Variants in ZNF350 observed in about 807,000 individuals in gnomAD.
ZNF350 encodes the protein zinc finger protein 350, also known as KRAB zinc finger protein ZFQR.
A neutral mutation model predicts 13.1 loss-of-function variants in ZNF350; 5 were observed. The observed-to-expected ratio is 0.38, with a 90% CI of 0.20 to 0.80. ZNF350 has a LOEUF of 0.80. Among genes scored for constraint, ZNF350 ranks in the 30% least tolerant of loss-of-function variants. The pLI is 0.43. For synonymous variants in ZNF350, 199 were observed against 224.2 expected, an observed-to-expected ratio of 0.89 and a Z score of 1.00; for missense variants, 534 against 644.2, an observed-to-expected ratio of 0.83 and a Z score of 1.85.
At chr19:51,979,469 GA>G (rs1386553202) in intron 1 of ZNF350, among the ~76,000 whole-genome samples, 2 of 152,146 alleles carry the variant, frequency 1.3e-5, no homozygotes, top group African/African-American at 4.8e-5. Flanking sequence ...CCACTGGAAG[GA>G]CTCCCTTTGT....
rs763512034 is a variant in ZNF350 at position 51,964,799 on chromosome 19, T to A, written c.*55A>T. On this transcript the variant is annotated 3_prime_UTR_variant, in exon 5 of 5. Coordinates refer to ENST00000243644, the MANE Select transcript of ZNF350 (RefSeq NM_021632.4). Reference sequence around the variant, plus strand: ...TCTCAGTGTATGCTTTTCGGCCACATAATGAACTACAAATTTTTGCTCAAC... The same window carrying A: ...TCTCAGTGTATGCTTTTCGGCCACAAAATGAACTACAAATTTTTGCTCAAC... 3 of 1,555,090 alleles carry A rather than the reference T, an allele frequency of 1.9e-6. No individual in the cohort carries two copies. In the African/African-American group the frequency reaches 4.1e-5, roughly 21 times the overall value.
rs2085562880 is a variant in ZNF350, at chr19:51,966,201, A to G, written c.252T>C (p.Val84=). 1 of 1,575,128 alleles carries G rather than the reference A, an allele frequency of 6.3e-7. No individual in the cohort carries two copies. Among genetic ancestry groups the G allele is most frequent in the Admixed American group, 2.0e-5 (1 of 50,926 alleles). Residue 84 remains valine (V), a synonymous_variant, in exon 5 of 5, where the codon GTT becomes GTC. Transcript: ENST00000243644. The part of the protein sequence containing the change: ...HSGACSDIWK[V]DHVLERLQSE... ...TCTGCAAGCGCTCCAGCACATGATC[A>G]ACTTTCCATATGTCTAGAAAGAAAA...
At position 51,975,048 on chromosome 19, in the gene ZNF350, T is replaced by C. The variant is rs541484819; in HGVS notation, c.-171-517A>G. Reference sequence around the variant, plus strand: ...ATACATAAAAAGCTAAAATACACAATAATTTACTGGATAATTAGGTGGTGA... The same window carrying C: ...ATACATAAAAAGCTAAAATACACAACAATTTACTGGATAATTAGGTGGTGA... On this transcript the variant is annotated intron_variant, in intron 1 of 4. Transcript: ENST00000243644. Among the ~76,000 whole-genome samples the C allele has an allele frequency of 2.0e-5, 3 of 152,220 alleles. No homozygotes were observed. The South Asian group carries it at 6.2e-4, about 31-fold the overall frequency.
intron 1 of ZNF350, among the ~76,000 whole-genome samples, chr19:51,983,101 G>A (rs1384470586): frequency 2.0e-5 from 3 of 152,212 alleles, no homozygotes; most frequent in Non-Finnish European, 4.4e-5. Context: ...CCAACCCTGT[G>A]CTCAGAAACG....
intron 1 of ZNF350, among the ~76,000 whole-genome samples, chr19:51,985,968 T>C (rs1260242611): frequency 1.3e-5 from 2 of 152,036 alleles, no homozygotes; most frequent in East Asian, 1.9e-4. Context: ...GATCGCGCCA[T>C]TGCACTCCAG....
At chr19:51,979,317 A>G (rs2085976150) in intron 1 of ZNF350, among the ~76,000 whole-genome samples, 1 of 151,820 alleles carries the variant, frequency 6.6e-6, no homozygotes, top group South Asian at 2.1e-4. Context: ...TATGTTCCCA[A>G]TCCCCCAGCA....
chr19:51,966,836 G>A lies in ZNF350; in HGVS notation c.239-622C>T, dbSNP rs141045460. ...CTAATTCTGTATATTTAGTAGAGAC[G>A]GCGTTTCACCATGTTAGCCAGGCTG... is the stretch of plus-strand genomic sequence containing the variant. On this transcript the variant is annotated intron_variant, in intron 4 of 4. Transcript: ENST00000243644. Among the ~76,000 whole-genome samples the A allele has an allele frequency of 2.2e-3, 330 of 151,890 alleles. 2 individuals carry two copies. The East Asian group carries it at 0.031, about 14-fold the overall frequency.
chr19:51,965,770 T>G lies in ZNF350; in HGVS notation c.683A>C (p.His228Pro). 2 of 1,613,978 alleles carry G rather than the reference T, an allele frequency of 1.2e-6. No individual in the cohort carries two copies. The highest frequency in any genetic ancestry group is 8.5e-7 in the Non-Finnish European group (1 of 1,179,866). ...ACATCTGTGGGGTTTCTCTCCTGTA[T>G]GCATTACCTGGTGATCAGTTAGCCA... ...KSWLTDHQVM[H>P]TGEKPHRCSL... The change falls in exon 5 of 5, where the codon CAT becomes CCT. Residue 228 changes from histidine (H) to proline (P), a missense_variant. By Grantham distance (77) the His-to-Pro change is moderately conservative. Coordinates refer to ENST00000243644, the MANE Select transcript of ZNF350 (RefSeq NM_021632.4).
chr19:51,983,714 T>C (rs967197527), intron 1 of ZNF350, among the ~76,000 whole-genome samples: 1 of 152,128 alleles, frequency 6.6e-6, no homozygotes, highest in African/African-American at 2.4e-5. Context: ...TCCCCACCAT[T>C]ACCCTATAGT....
intron 1 of ZNF350, among the ~76,000 whole-genome samples, chr19:51,977,864 A>C (rs2085938462): frequency 6.6e-6 from 1 of 152,254 alleles, no homozygotes; most frequent in African/African-American, 2.4e-5. Flanking sequence ...AGTTAGCATA[A>C]GCAATGGCTA....
At chr19:51,981,641 G>C (rs207477250) in intron 1 of ZNF350, among the ~76,000 whole-genome samples, 2 of 152,080 alleles carry the variant, frequency 1.3e-5, no homozygotes, top group Non-Finnish European at 2.9e-5. Flanking sequence ...GCCACAGAGA[G>C]AGTAACCAAA....
chr19:51,965,297 T>C lies in ZNF350; in HGVS notation c.1156A>G (p.Lys386Glu). ...CSECGKAFST[K>E]QKLIVHQRTH... ...CTTTGATGGACAATGAGCTTTTGCT[T>C]TGTGCTAAAGGCTTTCCCACATTCA... is the stretch of plus-strand genomic sequence containing the variant. Residue 386 changes from lysine to glutamate, a missense_variant, in exon 5 of 5, where the codon AAG (lysine) becomes GAG (glutamate). Physicochemically the swap from Lys to Glu is moderately conservative, Grantham distance 56 (BLOSUM62 1). Coordinates refer to ENST00000243644, the MANE Select transcript of ZNF350 (RefSeq NM_021632.4). The C allele has an allele frequency of 1.2e-6, 2 of 1,613,950 alleles. No homozygotes were observed. Among genetic ancestry groups the C allele is most frequent in the Non-Finnish European group, 1.7e-6 (2 of 1,179,844 alleles).
At chr19:51,984,347 A>C (rs975413583) in intron 1 of ZNF350, among the ~76,000 whole-genome samples, 2 of 152,210 alleles carry the variant, frequency 1.3e-5, no homozygotes, top group African/African-American at 4.8e-5. Context: ...AGAATCTCTC[A>C]ATGTTATTAG....
At chr19:51,969,244 T>A in intron 2 of ZNF350, 113 bp from the exon 3 acceptor site, 1 of 1,274,542 alleles carries the variant, frequency 7.8e-7, no homozygotes, top group Non-Finnish European at 1.1e-6. Context: ...ACCAAATAGT[T>A]TTTTTTTTAA....
At position 51,976,034 on chromosome 19, in the gene ZNF350, GGCGCC is replaced by G. The variant is rs2085884981; in HGVS notation, c.-171-1508_-171-1504del. ...GGTTTGCTGGAGGCAATCACTCCCT[GGCGCC>G]GTTATCTACTGCGACATCTAGAGAA... On this transcript the variant is annotated intron_variant, in intron 1 of 4. Transcript: ENST00000243644. The surrounding 1 kb of genome is among the most constrained non-coding windows in gnomAD (Gnocchi z 4.5). Among the ~76,000 whole-genome samples, 1 of 152,166 alleles carries G rather than the reference GGCGCC, an allele frequency of 6.6e-6. No individual in the cohort carries two copies. Among genetic ancestry groups the G allele is most frequent in the South Asian group, 2.1e-4 (1 of 4,820 alleles).
chr19:51,964,581 C>A lies in ZNF350; in HGVS notation c.*273G>T. 2.1e-6 allele frequency: 1 copy of A among 469,432 alleles called. No individual in the cohort carries two copies. Among genetic ancestry groups the A allele is most frequent in the Non-Finnish European group, 3.8e-6 (1 of 264,502 alleles). 29.1% of individuals were successfully genotyped at this position (469,432 alleles called of 1,614,324 possible). On this transcript the variant is annotated 3_prime_UTR_variant, in exon 5 of 5. Transcript: ENST00000243644. ...CTGCAACACTCCCGACACCAATTAT[C>A]TCATCTGTTTTAAAAATTCACAGTA...
intron 1 of ZNF350, among the ~76,000 whole-genome samples, chr19:51,979,732 A>G (rs1447078144): frequency 2.6e-5 from 4 of 152,240 alleles, no homozygotes; most frequent in Non-Finnish European, 5.9e-5. Flanking sequence ...ATATATGTCA[A>G]CTGAAGACAC....
intron 1 of ZNF350, among the ~76,000 whole-genome samples, chr19:51,983,155 G>A (rs2086088206): frequency 6.6e-6 from 1 of 152,234 alleles, no homozygotes; most frequent in Admixed American, 6.5e-5. Flanking sequence ...GGGCTGTGCA[G>A]GACGTGCTTT....
intron 1 of ZNF350, among the ~76,000 whole-genome samples, chr19:51,975,894 G>A (rs867694520): frequency 1.3e-5 from 2 of 152,210 alleles, no homozygotes; most frequent in African/African-American, 4.8e-5. Flanking sequence ...CCGAAGGCTC[G>A]TGGCCCGTGG....
Sources: gnomAD v4.1 joint callset for allele counts (sites outside exome capture counted in the v4.1 genomes callset) on GRCh38, gnomAD v4.1.1 for gene constraint, Gnocchi (gnomAD v3.1) non-coding constraint, MANE v1.5 for transcripts, NCBI Gene and HGNC (gene_info 2026-07-23, HGNC 2026-07-21) for gene names.